Variants in PAK1 observed in about 807,000 individuals in gnomAD.
The protein encoded by PAK1 is p21 (RAC1) activated kinase 1.
In PAK1, 29 loss-of-function variants were observed where a neutral mutation model predicts 67.4. That is an observed-to-expected ratio of 0.43 (90% CI 0.32 to 0.59). The LOEUF (loss-of-function observed/expected upper bound fraction) is 0.59. PAK1 is among the 20% of genes least tolerant of loss of function. The pLI, the probability that PAK1 is intolerant of heterozygous loss-of-function variation, is 0.07. For missense variants in PAK1, 337 were observed against 670.7 expected, an observed-to-expected ratio of 0.50 and a Z score of 5.50; for synonymous variants, 223 against 237.4, an observed-to-expected ratio of 0.94 and a Z score of 0.56.
chr11:77,413,713 A>AAAGGAAGG (rs535630670), intron 1 of PAK1, among the ~76,000 whole-genome samples: 1 of 152,016 alleles, frequency 6.6e-6, no homozygotes, highest in Non-Finnish European at 1.5e-5. Context: ...AAAGGAAAGA[A>AAAGGAAGG]AAGGAAGGAA....
chr11:77,508,963 G>T, the PAK1 span, among the ~76,000 whole-genome samples: 5 of 139,670 alleles, frequency 3.6e-5, no homozygotes, highest in Non-Finnish European at 6.2e-5. Context: ...CCCGGCCCAG[G>T]GATTCTTTAA....
At chr11:77,464,735 T>G (rs1460957898) in intron 1 of PAK1, among the ~76,000 whole-genome samples, 1 of 152,198 alleles carries the variant, frequency 6.6e-6, no homozygotes, top group Non-Finnish European at 1.5e-5. Context: ...CTACCCAACC[T>G]TAAACATACT....
chr11:77,384,737 G>A (rs1380300823), intron 2 of PAK1, among the ~76,000 whole-genome samples: 1 of 152,122 alleles, frequency 6.6e-6, no homozygotes, highest in Non-Finnish European at 1.5e-5. Context: ...GGTTGCCAGG[G>A]GAGAAGGGAG....
chr11:77,515,363 T>C, the PAK1 span, among the ~76,000 whole-genome samples: 17 of 152,298 alleles, frequency 1.1e-4, no homozygotes, highest in African/African-American at 3.8e-4. Context: ...ACTTAATAAA[T>C]GTTTGGATGA....
chr11:77,410,587 G>A (rs1954355339), intron 1 of PAK1, among the ~76,000 whole-genome samples: 1 of 151,890 alleles, frequency 6.6e-6, no homozygotes, highest in African/African-American at 2.4e-5. Context: ...ATCAAGAGGG[G>A]GAGGATCCAA....
the PAK1 span, among the ~76,000 whole-genome samples, chr11:77,501,629 T>C: frequency 4.6e-5 from 7 of 152,182 alleles, no homozygotes; most frequent in Non-Finnish European, 1.0e-4. Flanking sequence ...CTTGTGGGAA[T>C]GTTTGGTGAG....
the PAK1 span, among the ~76,000 whole-genome samples, chr11:77,517,208 G>A: frequency 2.6e-5 from 4 of 152,078 alleles, no homozygotes; most frequent in Non-Finnish European, 2.9e-5. Context: ...AGCAACCCAA[G>A]CCTCAGAGCC....
In PAK1 at chr11:77,379,903, C is replaced by G. The variant is rs1167083558; in HGVS notation, c.282G>C (p.Gly94=). 1.2e-6 allele frequency: 2 copies of G among 1,612,386 alleles called. No homozygotes were observed. The highest frequency in any genetic ancestry group is 1.3e-5 in the African/African-American group (1 of 74,846). ...GTGACCCAGGACTTACCGTAAACTC[C>G]CCTGTGACAGCATCAAAACCGACAT... ...TIHVGFDAVT[G]EFTGMPEQWA... is the part of the protein sequence containing the mutation. Residue 94 remains glycine (G), a synonymous_variant, in exon 3 of 15, where the codon GGG becomes GGC. Transcript: ENST00000356341.
chr11:77,526,744 G>A, the PAK1 span, among the ~76,000 whole-genome samples: 1 of 151,942 alleles, frequency 6.6e-6, no homozygotes, highest in Admixed American at 6.6e-5. Context: ...GGTGAAACCC[G>A]GTCTCTACTA....
At chr11:77,396,017 T>A (rs1951785229) in intron 1 of PAK1, among the ~76,000 whole-genome samples, 1 of 152,166 alleles carries the variant, frequency 6.6e-6, no homozygotes. Flanking sequence ...AGTCCTTCCC[T>A]GCCTCCCAGG....
At chr11:77,424,271 C>CT (rs1955436498) in intron 1 of PAK1, among the ~76,000 whole-genome samples, 1 of 151,906 alleles carries the variant, frequency 6.6e-6, no homozygotes, top group East Asian at 1.9e-4. Context: ...TTCCCGTTAC[C>CT]TCCTCTCTCA....
chr11:77,447,281 T>C (rs780006057), intron 1 of PAK1, among the ~76,000 whole-genome samples: 1 of 152,188 alleles, frequency 6.6e-6, no homozygotes, highest in Non-Finnish European at 1.5e-5. Flanking sequence ...CCTGTTCAAA[T>C]AGTTGGGATA....
chr11:77,437,651 T>A (rs948760123), intron 1 of PAK1, among the ~76,000 whole-genome samples: 1 of 151,880 alleles, frequency 6.6e-6, no homozygotes, highest in Non-Finnish European at 1.5e-5. Flanking sequence ...CAACTAAACA[T>A]CCTATGAGGC....
chr11:77,463,614 T>C (rs987879121), intron 1 of PAK1, among the ~76,000 whole-genome samples: 9 of 152,238 alleles, frequency 5.9e-5, no homozygotes, highest in Non-Finnish European at 8.8e-5. Flanking sequence ...ACTCCCAAGA[T>C]ACTATGCTAA....
At chr11:77,324,707 C>T (rs1438343661) in intron 14 of PAK1, among the ~76,000 whole-genome samples, 1 of 151,046 alleles carries the variant, frequency 6.6e-6, no homozygotes, top group Admixed American at 6.6e-5. Context: ...GATTCTTCTG[C>T]CATACTTACA....
At chr11:77,450,051 C>T (rs1268868067) in intron 1 of PAK1, among the ~76,000 whole-genome samples, 1 of 152,102 alleles carries the variant, frequency 6.6e-6, no homozygotes, top group Non-Finnish European at 1.5e-5. Context: ...TCCTTTTCTG[C>T]GAAATTGAAG....
In PAK1 at chr11:77,473,846, C is replaced by G. The variant is rs1293726536; in HGVS notation, c.-316G>C. On this transcript the variant is annotated 5_prime_UTR_variant, in exon 1 of 15. Coordinates refer to ENST00000356341, the MANE Select transcript of PAK1 (RefSeq NM_002576.5). ...TGAGGCAGGAGGTGGTAACTGGATG[C>G]GGAGACCAGGTTCCTCGAGGGGGCT... The G allele has an allele frequency of 6.6e-6, 1 of 151,236 alleles. No individual in the cohort carries two copies. Among genetic ancestry groups the G allele is most frequent in the Non-Finnish European group, 1.5e-5 (1 of 68,048 alleles). The allele number at this position is 151,236 out of a possible 1,614,324, so 9.4% of individuals were successfully genotyped here.
At position 77,473,769 on chromosome 11, in the gene PAK1, G is replaced by C. The variant is rs536377553; in HGVS notation, c.-239C>G. On this transcript the variant is annotated 5_prime_UTR_variant, in exon 1 of 15. Coordinates refer to ENST00000356341, the MANE Select transcript of PAK1 (RefSeq NM_002576.5). Reference sequence around the variant, plus strand: ...CGGGAGGGAGCGAGGCGACGCGGGCGGGGGGGGAAGGGGGGACTGAGGGGC... The same window carrying C: ...CGGGAGGGAGCGAGGCGACGCGGGCCGGGGGGGAAGGGGGGACTGAGGGGC... 2.6e-4 allele frequency: 40 copies of C among 151,118 alleles called. No individual in the cohort carries two copies. Among genetic ancestry groups the C allele is most frequent in the East Asian group, 8.1e-4 (4 of 4,950 alleles). The allele number at this position is 151,118 out of a possible 1,614,324, so 9.4% of individuals were successfully genotyped here. A position where few individuals can be genotyped will look rare whatever the true frequency, so the allele number is the denominator to read the frequency against.
At chr11:77,380,393 T>C (rs1270367519) in intron 2 of PAK1, among the ~76,000 whole-genome samples, 1 of 152,152 alleles carries the variant, frequency 6.6e-6, no homozygotes, top group Non-Finnish European at 1.5e-5. Context: ...CTTGTGAAGC[T>C]GAGGCAAGAG....
Sources: allele counts gnomAD v4.1 joint callset (sites outside exome capture counted in the v4.1 genomes callset), GRCh38; gene constraint gnomAD v4.1.1; transcripts MANE v1.5; gene names NCBI Gene and HGNC (gene_info 2026-07-23, HGNC 2026-07-21).